Variants in LDHB observed in about 807,000 individuals in gnomAD.
LDHB encodes lactate dehydrogenase B, also known as L-lactate dehydrogenase B chain.
A neutral mutation model predicts 33.4 loss-of-function variants in LDHB; 18 were observed. That is an observed-to-expected ratio of 0.54 (90% CI 0.37 to 0.80). The LOEUF is 0.80. LDHB is among the 30% of genes least tolerant of loss of function. The probability of loss-of-function intolerance (pLI) is 0.00; values close to 1 mark genes in which losing one functional copy is unlikely to be tolerated. For missense variants in LDHB, 345 were observed against 407.9 expected, an observed-to-expected ratio of 0.85 and a Z score of 1.33; for synonymous variants, 121 against 140.6, an observed-to-expected ratio of 0.86 and a Z score of 0.98.
chr12:21,635,494 G>A lies in LDHB; in HGVS notation c.*48C>T, dbSNP rs777649488. 5 of 1,464,538 alleles carry A rather than the reference G, an allele frequency of 3.4e-6. No homozygotes were observed. Among genetic ancestry groups the A allele is most frequent in the South Asian group, 3.4e-5 (3 of 88,024 alleles). The allele number at this position is 1,464,538 out of a possible 1,614,324, so 90.7% of individuals were successfully genotyped here. A position where few individuals can be genotyped will look rare whatever the true frequency, so the allele number is the denominator to read the frequency against. On this transcript the variant is annotated 3_prime_UTR_variant, in exon 8 of 8. Coordinates refer to ENST00000350669, the MANE Select transcript of LDHB (RefSeq NM_002300.8). Reference sequence around the variant, plus strand: ...ACATGGATGAAAACTAAAGGCTCGAGTTAATCACATTGTAGTTTTTAAATT... The same window carrying A: ...ACATGGATGAAAACTAAAGGCTCGAATTAATCACATTGTAGTTTTTAAATT...
intron 1 of LDHB, chr12:21,657,258 A>G (rs1349220701): frequency 6.6e-6 from 1 of 152,248 alleles, no homozygotes. Flanking sequence ...TGCAGCGCCA[A>G]ACGTGCTGGT....
At chr12:21,639,413 T>C (rs1006636554) in intron 5 of LDHB, among the ~76,000 whole-genome samples, 1 of 151,990 alleles carries the variant, frequency 6.6e-6, no homozygotes, top group Non-Finnish European at 1.5e-5. Flanking sequence ...AGTTCTTCAA[T>C]AGCTACTTCA....
chr12:21,646,913 A>G lies in LDHB; in HGVS notation c.233T>C (p.Ile78Thr), dbSNP rs1417210154. ...AGTGAAATTACCTTTATCTGCCACA[A>G]TTTTAGGTGTCTGAAGAAATAAGCT... The part of the protein sequence containing the change: ...HGSLFLQTPK[I>T]VADKDYSVTA... The change falls in exon 3 of 8, where the codon ATT (isoleucine) becomes ACT (threonine). Residue 78 changes from isoleucine to threonine, a missense_variant. Physicochemically the swap from Ile to Thr is moderately conservative, Grantham distance 89. Coordinates refer to ENST00000350669, the MANE Select transcript of LDHB (RefSeq NM_002300.8). The G allele has an allele frequency of 2.5e-6, 4 of 1,606,820 alleles. No individual in the cohort carries two copies. Among genetic ancestry groups the G allele is most frequent in the Non-Finnish European group, 3.4e-6 (4 of 1,173,494 alleles).
intron 2 of LDHB, among the ~76,000 whole-genome samples, chr12:21,650,787 T>A (rs1938667696): frequency 6.6e-6 from 1 of 152,166 alleles, no homozygotes; most frequent in African/African-American, 2.4e-5. Context: ...CCTGGCATTA[T>A]CCTCCTACTC....
At chr12:21,652,051 A>G (rs1366896850) in intron 2 of LDHB, among the ~76,000 whole-genome samples, 1 of 152,210 alleles carries the variant, frequency 6.6e-6, no homozygotes, top group African/African-American at 2.4e-5. Context: ...AGTGTTATAT[A>G]ACTCCAGGCA....
Position 21,642,038 on chromosome 12 carries a change from C to A in LDHB, c.509G>T (p.Arg170Ile). Residue 170 changes from arginine to isoleucine, a missense_variant, in exon 5 of 8, where the codon AGA becomes ATA. Coordinates refer to ENST00000350669, the MANE Select transcript of LDHB (RefSeq NM_002300.8). ...TTTTTCAGCCATAAGGTAGCGAAAT[C>A]TAGCAGAATCCAGATTACATCCACT... Reference protein sequence around the residue: ...IGSGCNLDSARFRYLMAEKLG... With the variant: ...IGSGCNLDSAIFRYLMAEKLG... 6.2e-7 allele frequency: 1 copy of A among 1,613,610 alleles called. No individual in the cohort carries two copies. Among genetic ancestry groups the A allele is most frequent in the African/African-American group, 1.3e-5 (1 of 74,978 alleles).
chr12:21,641,115 A>T (rs1038028115), intron 5 of LDHB, among the ~76,000 whole-genome samples: 1 of 152,184 alleles, frequency 6.6e-6, no homozygotes, highest in African/African-American at 2.4e-5. Flanking sequence ...AGAAAAATTG[A>T]TGAGGAGTCA....
At chr12:21,648,537 G>A (rs1938593585) in intron 2 of LDHB, among the ~76,000 whole-genome samples, 1 of 151,686 alleles carries the variant, frequency 6.6e-6, no homozygotes, top group Admixed American at 6.6e-5. Context: ...GGTATTAATG[G>A]GGGGGAGGGG....
intron 2 of LDHB, among the ~76,000 whole-genome samples, chr12:21,648,269 T>C (rs1446515656): frequency 2.0e-5 from 3 of 152,114 alleles, no homozygotes; most frequent in African/African-American, 7.2e-5. Flanking sequence ...CAGTCATTCC[T>C]CAATATACGA....
intron 5 of LDHB, among the ~76,000 whole-genome samples, chr12:21,641,636 G>C (rs958316581): frequency 6.6e-6 from 1 of 152,152 alleles, no homozygotes; most frequent in African/African-American, 2.4e-5. Flanking sequence ...TACATTTCCT[G>C]ATTTTGGGAA....
At chr12:21,639,914 A>G (rs1396941738) in intron 5 of LDHB, among the ~76,000 whole-genome samples, 1 of 152,046 alleles carries the variant, frequency 6.6e-6, no homozygotes, top group African/African-American at 2.4e-5. Flanking sequence ...AAAATCAGAA[A>G]TAAATTATGC....
In LDHB at chr12:21,643,934, C is replaced by G; in HGVS notation, c.421+1G>C. On this transcript the variant is annotated splice_donor_variant, in intron 4 of 7. Transcript: ENST00000350669. LOFTEE classifies it high-confidence loss of function. ...CAGAGACTTAAAGTATACAATAATACCTGGGTTGGAAACCACAATTATGAT... is the reference window on the plus strand; with the variant it reads ...CAGAGACTTAAAGTATACAATAATAGCTGGGTTGGAAACCACAATTATGAT... The G allele has an allele frequency of 6.3e-7, 1 of 1,599,470 alleles. No individual in the cohort carries two copies. Among genetic ancestry groups the G allele is most frequent in the Non-Finnish European group, 8.6e-7 (1 of 1,166,784 alleles).
chr12:21,656,007 CTTGT>C lies in LDHB; in HGVS notation c.-6-1334_-6-1331del, dbSNP rs147157729. On this transcript the variant is annotated intron_variant, in intron 1 of 7. Coordinates refer to ENST00000350669, the MANE Select transcript of LDHB (RefSeq NM_002300.8). Reference sequence around the variant, plus strand: ...CCCATTGTAATGTCCATGATTTTCACTTGTTTTTTACTTTTTATGTCGCATCTGA... The same window carrying C: ...CCCATTGTAATGTCCATGATTTTCACTTTTTACTTTTTATGTCGCATCTGA... Among the ~76,000 whole-genome samples the C allele has an allele frequency of 1.9e-3, 284 of 152,242 alleles. 1 individual carries two copies. The highest frequency in any genetic ancestry group is 6.6e-3 in the African/African-American group (276 of 41,542).
chr12:21,643,828 T>C (rs1428041435), intron 4 of LDHB, 107 bp downstream of exon 4: 1 of 875,844 alleles, frequency 1.1e-6, no homozygotes, highest in East Asian at 2.5e-5. Context: ...ACATGTAAAC[T>C]GCTTCTGTAA....
chr12:21,652,225 C>T (rs188149436), intron 2 of LDHB, among the ~76,000 whole-genome samples: 2 of 152,274 alleles, frequency 1.3e-5, no homozygotes, highest in African/African-American at 2.4e-5. Flanking sequence ...TTAATTAATA[C>T]ATTTATTTTT....
At chr12:21,647,088 G>T (rs558644917) in intron 2 of LDHB, 72 bp from the exon 3 acceptor site, 1 of 854,970 alleles carries the variant, frequency 1.2e-6, no homozygotes, top group Middle Eastern at 2.2e-4. Flanking sequence ...CTAACCCAAA[G>T]AAAGATCTTT....
chr12:21,650,151 C>CATAT (rs142403823), intron 2 of LDHB, among the ~76,000 whole-genome samples: 34 of 32,756 alleles, frequency 1.0e-3, no homozygotes, highest in African/African-American at 2.9e-3. Context: ...CACACACACA[C>CATAT]GTCTCTCTCT....
rs1203325349 is a variant in LDHB at position 21,657,807 on chromosome 12, A to T, written c.-63T>A. ...ACAGTCGTGCGGAGAAGACAAAGTC[A>T]GCTGCGTGCGTCTCCTCCGGCGCCG... On this transcript the variant is annotated 5_prime_UTR_variant, in exon 1 of 8. Coordinates refer to ENST00000350669, the MANE Select transcript of LDHB (RefSeq NM_002300.8). 1 of 152,500 alleles carries T rather than the reference A, an allele frequency of 6.6e-6. No homozygotes were observed. The highest frequency in any genetic ancestry group is 1.5e-5 in the Non-Finnish European group (1 of 68,248). The allele number at this position is 152,500 out of a possible 1,614,324, so 9.4% of individuals were successfully genotyped here.
chr12:21,642,781 A>G (rs1041011548), intron 4 of LDHB, among the ~76,000 whole-genome samples: 3 of 152,208 alleles, frequency 2.0e-5, no homozygotes, highest in Non-Finnish European at 4.4e-5. Flanking sequence ...AGGAAGGTGA[A>G]GAGCTGAAAG....
Sources: gnomAD v4.1 joint callset for allele counts (sites outside exome capture counted in the v4.1 genomes callset) on GRCh38, gnomAD v4.1.1 for gene constraint, MANE v1.5 for transcripts, NCBI Gene and HGNC (gene_info 2026-07-23, HGNC 2026-07-21) for gene names.